PTK7: variants seen among roughly 807,000 people sequenced by gnomAD.
PTK7 encodes the protein inactive tyrosine-protein kinase 7.
PTK7 carries 39 observed loss-of-function variants against 116.6 expected under a neutral mutation model. The observed-to-expected ratio is 0.33, with a 90% CI of 0.26 to 0.44. The LOEUF is 0.44. Ranked by LOEUF, PTK7 falls within the 20% of genes least tolerant of loss-of-function variation. PTK7 has a pLI of 1.00. For missense variants in PTK7, 1,169 were observed against 1,425.6 expected (o/e 0.82, Z 2.90); for synonymous variants, 546 against 563.6 (o/e 0.97, Z 0.44).
intron 7 of PTK7, among the ~76,000 whole-genome samples, chr6:43,137,167 A>AT (rs933535960): frequency 1.3e-5 from 2 of 152,176 alleles, no homozygotes; most frequent in Non-Finnish European, 2.9e-5. Context: ...TGGAAGACTG[A>AT]TTTTTCAGAA....
chr6:43,130,672 T>C lies in PTK7; in HGVS notation c.812+11T>C. On this transcript the variant is annotated intron_variant, in intron 5 of 19. Coordinates refer to ENST00000230419, the MANE Select transcript of PTK7 (RefSeq NM_002821.5). ...CACTAACCGCAGTCGGTAAGGCATC[T>C]GGCTGGGAGCATTCCAGTACCATGT... The C allele has an allele frequency of 6.2e-7, 1 of 1,614,122 alleles. No homozygotes were observed. Among genetic ancestry groups the C allele is most frequent in the Non-Finnish European group, 8.5e-7 (1 of 1,179,972 alleles).
chr6:43,130,576 A>G lies in PTK7; in HGVS notation c.727A>G (p.Met243Val), dbSNP rs1369237954. 1.2e-6 allele frequency: 2 copies of G among 1,614,032 alleles called. No individual in the cohort carries two copies. Among genetic ancestry groups the G allele is most frequent in the Non-Finnish European group, 1.7e-6 (2 of 1,180,028 alleles). Residue 243 changes from methionine (M) to valine (V), a missense_variant, in exon 5 of 20, where the codon ATG becomes GTG. Coordinates refer to ENST00000230419, the MANE Select transcript of PTK7 (RefSeq NM_002821.5). ...GGTAGTAGCGAGGTATGAGGAGGCC[A>G]TGTTCCATTGCCAGTTCTCAGCCCA... ...DVVVARYEEA[M>V]FHCQFSAQPP... is the part of the protein sequence containing the mutation.
At chr6:43,120,992 C>T (rs979276862) in intron 1 of PTK7, among the ~76,000 whole-genome samples, 2 of 150,576 alleles carry the variant, frequency 1.3e-5, no homozygotes, top group African/African-American at 2.4e-5. Flanking sequence ...AGAAGATGGG[C>T]GGGGTCCAGG....
Position 43,139,492 on chromosome 6 carries a change from C to T in PTK7, c.1585C>T (p.Arg529Ter), listed in dbSNP as rs1770257690. ...EATVPCSATG[R>*]EKPTIKWERA... ...CACGGTGCCCTGTTCAGCCACAGGCCGAGAGAAGCCCACTATTAAGTGGGA... is the reference window on the plus strand; with the variant it reads ...CACGGTGCCCTGTTCAGCCACAGGCTGAGAGAAGCCCACTATTAAGTGGGA... The change falls in exon 10 of 20, where the codon CGA (arginine) becomes TGA (stop). Residue 529 changes from arginine (R) to a stop codon, truncating the protein, a stop_gained. Transcript: ENST00000230419. LOFTEE classifies it high-confidence loss of function. This position sits in a 1 kb window ranked among gnomAD's most constrained non-coding sequence, Gnocchi z 4.6. 3 of 1,614,054 alleles carry T rather than the reference C, an allele frequency of 1.9e-6. No homozygotes were observed. The highest frequency in any genetic ancestry group is 1.7e-5 in the Admixed American group (1 of 60,002).
At chr6:43,104,565 C>T (rs1282438165) in intron 1 of PTK7, among the ~76,000 whole-genome samples, 1 of 152,046 alleles carries the variant, frequency 6.6e-6, no homozygotes, top group African/African-American at 2.4e-5. Flanking sequence ...CACATGCCAC[C>T]ACGCCTAGCT....
intron 17 of PTK7, among the ~76,000 whole-genome samples, chr6:43,151,456 C>G (rs889227387): frequency 1.3e-5 from 2 of 151,964 alleles, no homozygotes; most frequent in African/African-American, 4.8e-5. Context: ...TCGTGATCCG[C>G]CCGCCTCAGC....
chr6:43,139,996 C>G lies in PTK7; in HGVS notation c.1618+471C>G, dbSNP rs932862101. ...AGGCGTGGTGGCACATGCTTGCAAT[C>G]CCAGCTGCTTAGGAGGCTGAAGCAG... On this transcript the variant is annotated intron_variant, in intron 10 of 19. Coordinates refer to ENST00000230419, the MANE Select transcript of PTK7 (RefSeq NM_002821.5). This position sits in a 1 kb window ranked among gnomAD's most constrained non-coding sequence, Gnocchi z 4.6. Among the ~76,000 whole-genome samples the G allele has an allele frequency of 1.3e-5, 2 of 152,164 alleles. No homozygotes were observed. Among genetic ancestry groups the G allele is most frequent in the African/African-American group, 4.8e-5 (2 of 41,440 alleles).
At chr6:43,092,486 G>A (rs1767002958) in intron 1 of PTK7, among the ~76,000 whole-genome samples, 1 of 152,136 alleles carries the variant, frequency 6.6e-6, no homozygotes, top group Non-Finnish European at 1.5e-5. Context: ...TTTATTGTAG[G>A]TATGTATATA....
At chr6:43,102,318 G>A (rs1209756577) in intron 1 of PTK7, among the ~76,000 whole-genome samples, 1 of 152,166 alleles carries the variant, frequency 6.6e-6, no homozygotes, top group Non-Finnish European at 1.5e-5. Context: ...CCAGCTACTT[G>A]GGAGGCTTAG....
chr6:43,140,498 C>T lies in PTK7; in HGVS notation c.1618+973C>T, dbSNP rs191873037. The stretch of plus-strand genomic sequence containing the variant: ...TGGGAGAAAAAATGTACAGTCCTGC[C>T]GTTTATCATCTTTGGGTGTATGTCT... On this transcript the variant is annotated intron_variant, in intron 10 of 19. Coordinates refer to ENST00000230419, the MANE Select transcript of PTK7 (RefSeq NM_002821.5). Among the ~76,000 whole-genome samples the T allele has an allele frequency of 4.2e-4, 64 of 151,180 alleles. 1 individual carries two copies. In the East Asian group the frequency reaches 0.011, roughly 27 times the overall value.
At chr6:43,099,711 C>T (rs112749680) in intron 1 of PTK7, among the ~76,000 whole-genome samples, 6 of 152,216 alleles carry the variant, frequency 3.9e-5, no homozygotes, top group African/African-American at 9.6e-5. Flanking sequence ...TAATATTTAT[C>T]GGGGTTACCA....
In PTK7 at chr6:43,081,518, C is replaced by T. The variant is rs184034084; in HGVS notation, c.79+4951C>T. ...CTCCCAGGTTCAAGTGATTCTCCTA[C>T]CTCAGCCTCCTGAGTACCTGGGTTT... On this transcript the variant is annotated intron_variant, in intron 1 of 19. Coordinates refer to ENST00000230419, the MANE Select transcript of PTK7 (RefSeq NM_002821.5). Among the ~76,000 whole-genome samples the T allele has an allele frequency of 1.0e-3, 153 of 152,260 alleles. 1 individual carries two copies. The highest frequency in any genetic ancestry group is 6.2e-3 in the East Asian group (32 of 5,170).
At chr6:43,117,432 G>A (rs1768624469) in intron 1 of PTK7, among the ~76,000 whole-genome samples, 1 of 152,216 alleles carries the variant, frequency 6.6e-6, no homozygotes, top group African/African-American at 2.4e-5. Context: ...GTTGTGGAGG[G>A]AATGTGGGTA....
intron 13 of PTK7, 195 bp downstream of exon 13, chr6:43,142,494 C>A: frequency 1.1e-6 from 1 of 886,426 alleles, no homozygotes; most frequent in Non-Finnish European, 1.8e-6. Flanking sequence ...ATTTAACATC[C>A]AACGGTCGGT....
chr6:43,139,339 A>G lies in PTK7; in HGVS notation c.1499-67A>G, dbSNP rs918409812. ...AGGAGAGGAAAGGGGAGGGAGCAGC[A>G]GGCCTGGCCACGGCCTCTCCAGCGG... On this transcript the variant is annotated intron_variant, in intron 9 of 19. Coordinates refer to ENST00000230419, the MANE Select transcript of PTK7 (RefSeq NM_002821.5). The surrounding 1 kb of genome is among the most constrained non-coding windows in gnomAD (Gnocchi z 4.6). 1 of 1,613,970 alleles carries G rather than the reference A, an allele frequency of 6.2e-7. No homozygotes were observed. The highest frequency in any genetic ancestry group is 8.5e-7 in the Non-Finnish European group (1 of 1,179,848).
intron 7 of PTK7, among the ~76,000 whole-genome samples, chr6:43,137,952 G>A (rs1470072078): frequency 6.6e-6 from 1 of 152,056 alleles, no homozygotes; most frequent in Non-Finnish European, 1.5e-5. Context: ...GATTACAGGT[G>A]CCCGCCACCA....
Position 43,152,982 on chromosome 6 carries a change from C to T in PTK7, c.2722-5835C>T, listed in dbSNP as rs368347114. Among the ~76,000 whole-genome samples the T allele has an allele frequency of 9.2e-5, 14 of 151,918 alleles. No individual in the cohort carries two copies. The East Asian group carries it at 2.7e-3, about 29-fold the overall frequency. On this transcript the variant is annotated intron_variant, in intron 17 of 19. Coordinates refer to ENST00000230419, the MANE Select transcript of PTK7 (RefSeq NM_002821.5). ...TGTATTTTTAGTAGAGATGGGGTTT[C>T]ACCACATTGGCCAGGCTGGTCTCGA...
intron 1 of PTK7, among the ~76,000 whole-genome samples, chr6:43,077,967 G>A (rs1464303151): frequency 6.6e-6 from 1 of 152,214 alleles, no homozygotes; most frequent in African/African-American, 2.4e-5. Flanking sequence ...ATCCACATCT[G>A]CTCCCAGAGG....
rs1047942153 is a variant in PTK7 at position 43,155,592 on chromosome 6, T to C, written c.2722-3225T>C. On this transcript the variant is annotated intron_variant, in intron 17 of 19. Coordinates refer to ENST00000230419, the MANE Select transcript of PTK7 (RefSeq NM_002821.5). Reference sequence around the variant, plus strand: ...CCGGGAGGCGGAGTGGAGGTTGCAGTGAGCCGAGATCAGGCCACTGCACTC... The same window carrying C: ...CCGGGAGGCGGAGTGGAGGTTGCAGCGAGCCGAGATCAGGCCACTGCACTC... Among the ~76,000 whole-genome samples the C allele has an allele frequency of 2.0e-5, 3 of 150,876 alleles. No homozygotes were observed. The Admixed American group carries it at 2.0e-4, about 10-fold the overall frequency.
Sources: allele counts gnomAD v4.1 joint callset (sites outside exome capture counted in the v4.1 genomes callset), GRCh38; gene constraint gnomAD v4.1.1; non-coding constraint Gnocchi (gnomAD v3.1); transcripts MANE v1.5; gene names NCBI Gene and HGNC (gene_info 2026-07-23, HGNC 2026-07-21).